Variants in EEF1E1 observed in about 807,000 individuals in gnomAD.
The protein encoded by EEF1E1 is eukaryotic translation elongation factor 1 epsilon 1, also known as eukaryotic translation elongation factor 1 epsilon-1.
EEF1E1 carries 19 observed loss-of-function variants against 19.9 expected under a neutral mutation model. That is an observed-to-expected ratio of 0.95 (90% CI 0.66 to 1.40). The LOEUF is 1.40. EEF1E1 is among the 40% of genes most tolerant of loss of function. The probability of loss-of-function intolerance (pLI) is 0.00; values close to 1 mark genes in which losing one functional copy is unlikely to be tolerated. For missense variants in EEF1E1, 198 were observed against 202.2 expected (o/e 0.98, Z 0.13); for synonymous variants, 81 against 80.0 (o/e 1.01, Z -0.07).
chr6:8,074,492 C>T (rs565737297), downstream of EEF1E1, among the ~76,000 whole-genome samples: 17 of 152,198 alleles, frequency 1.1e-4, no homozygotes, highest in East Asian at 2.5e-3. Flanking sequence ...TTACTAAGCC[C>T]GGCGGAAGAA....
chr6:8,087,646 CCTGT>C (rs1757898141), intron 3 of EEF1E1, among the ~76,000 whole-genome samples: 2 of 152,232 alleles, frequency 1.3e-5, no homozygotes, highest in African/African-American at 4.8e-5. Context: ...AGCTACTGTG[CCTGT>C]CTGAGTTGAT....
intron 3 of EEF1E1, chr6:8,073,567 G>T: frequency 1.9e-6 from 3 of 1,541,514 alleles, no homozygotes; most frequent in Admixed American, 2.0e-5. Context: ...AATAGTGCCT[G>T]ATACACACTA....
intron 2 of EEF1E1, among the ~76,000 whole-genome samples, chr6:8,090,557 CTTTT>C (rs35903578): frequency 3.3e-5 from 5 of 152,106 alleles, no homozygotes; most frequent in African/African-American, 1.2e-4. Flanking sequence ...TAAAGTCTAG[CTTTT>C]TGTTTTTGGA....
At chr6:8,085,963 T>G (rs1443050291) in intron 3 of EEF1E1, among the ~76,000 whole-genome samples, 1 of 152,192 alleles carries the variant, frequency 6.6e-6, no homozygotes, top group African/African-American at 2.4e-5. Flanking sequence ...GTTTTATACT[T>G]CTGTTGTCTC....
Position 8,097,388 on chromosome 6 carries a change from T to C in EEF1E1, c.167A>G (p.Asn56Ser), listed in dbSNP as rs148166016. 292 of 1,614,122 alleles carry C rather than the reference T, an allele frequency of 1.8e-4. 2 individuals carry two copies. In the East Asian group the frequency reaches 6.2e-3, roughly 34 times the overall value. ...TIAAHLVKQA[N>S]KEYLLGSTAE... ...AGTACTCCCCAGCAAATATTCTTTGTTGGCTTGCTTGACTAGATGAGCTGC... is the reference window on the plus strand; with the variant it reads ...AGTACTCCCCAGCAAATATTCTTTGCTGGCTTGCTTGACTAGATGAGCTGC... The change falls in exon 2 of 4, where the codon AAC becomes AGC. Residue 56 changes from asparagine (N) to serine (S), a missense_variant. Transcript: ENST00000379715.
At chr6:8,101,329 ATATATAT>A (rs1468911209) in intron 1 of EEF1E1, among the ~76,000 whole-genome samples, 4 of 138,484 alleles carry the variant, frequency 2.9e-5, no homozygotes, top group Non-Finnish European at 6.1e-5. Context: ...CCACTCGGCC[ATATATAT>A]TATATTTATA....
At chr6:8,074,923 G>A (rs1011391886), downstream of EEF1E1, among the ~76,000 whole-genome samples, 3 of 152,222 alleles carry the variant, frequency 2.0e-5, no homozygotes, top group Admixed American at 6.5e-5. Context: ...AGCGGGAAGA[G>A]GGGTCGCTTG....
Position 8,102,540 on chromosome 6 carries a change from G to C in EEF1E1, c.-19C>G, listed in dbSNP as rs757691528. The C allele has an allele frequency of 6.2e-7, 1 of 1,607,662 alleles. No individual in the cohort carries two copies. Among genetic ancestry groups the C allele is most frequent in the East Asian group, 2.2e-5 (1 of 44,860 alleles). Reference sequence around the variant, plus strand: ...CCGCCATCTTCCGGCCGTAGCTCCTGGCAGACGCGAGACCTGCAGAACAAG... The same window carrying C: ...CCGCCATCTTCCGGCCGTAGCTCCTCGCAGACGCGAGACCTGCAGAACAAG... On this transcript the variant is annotated 5_prime_UTR_variant, in exon 1 of 4. Coordinates refer to ENST00000379715, the MANE Select transcript of EEF1E1 (RefSeq NM_004280.5).
Position 8,079,550 on chromosome 6 carries a change from T to C in EEF1E1, c.*340A>G. 9.8e-7 allele frequency: 1 copy of C among 1,016,738 alleles called. No homozygotes were observed. The highest frequency in any genetic ancestry group is 1.2e-6 in the Non-Finnish European group (1 of 848,004). The allele number at this position is 1,016,738 out of a possible 1,614,324, so 63.0% of individuals were successfully genotyped here. ...GAATTTTAGAATATGAAAGAGAGGT[T>C]AATAAATAGCCAAATATGTCAACCA... On this transcript the variant is annotated 3_prime_UTR_variant, in exon 4 of 4. Transcript: ENST00000379715.
rs1253244102 is a variant in EEF1E1, at chr6:8,097,563, GA to G, written c.88-97del. On this transcript the variant is annotated intron_variant, in intron 1 of 3. Transcript: ENST00000379715. Reference sequence around the variant, plus strand: ...CCACGAAATCCCTCAAGTGTTTTTTGAAATAATCCTGGATTTTACTCTAAGA... The same window carrying G: ...CCACGAAATCCCTCAAGTGTTTTTTGAATAATCCTGGATTTTACTCTAAGA... 7 of 945,084 alleles carry G rather than the reference GA, an allele frequency of 7.4e-6. No individual in the cohort carries two copies. The East Asian group carries it at 1.6e-4, about 21-fold the overall frequency. 58.5% of individuals were successfully genotyped at this position (945,084 alleles called of 1,614,324 possible).
downstream of EEF1E1, among the ~76,000 whole-genome samples, chr6:8,076,832 A>G (rs1211905363): frequency 6.6e-6 from 1 of 152,156 alleles, no homozygotes; most frequent in African/African-American, 2.4e-5. Context: ...AGGTCTCAAC[A>G]GTCGGCTTCA....
Position 8,097,320 on chromosome 6 carries a change from C to T in EEF1E1, c.235G>A (p.Val79Ile). The change falls in exon 2 of 4, where the codon GTC becomes ATC. Residue 79 changes from valine (V) to isoleucine (I), a missense_variant. Physicochemically the swap from Val to Ile is conservative, Grantham distance 29. Coordinates refer to ENST00000379715, the MANE Select transcript of EEF1E1 (RefSeq NM_004280.5). ...AIVQQWLEYR[V>I]TQVDGHSSKN... ...CTGGAGTGCCCATCTACTTGAGTGACCCTGTATTCTAACCACTGCTGAACG... is the reference window on the plus strand; with the variant it reads ...CTGGAGTGCCCATCTACTTGAGTGATCCTGTATTCTAACCACTGCTGAACG... 6.2e-7 allele frequency: 1 copy of T among 1,614,124 alleles called. No individual in the cohort carries two copies. The highest frequency in any genetic ancestry group is 8.5e-7 in the Non-Finnish European group (1 of 1,180,020).
downstream of EEF1E1, among the ~76,000 whole-genome samples, chr6:8,076,935 G>GT (rs1757605655): frequency 7.2e-6 from 1 of 139,352 alleles, no homozygotes; most frequent in Non-Finnish European, 1.5e-5. Flanking sequence ...GATTTTTTTT[G>GT]TTTTTGTTTT....
chr6:8,095,451 C>G, intron 2 of EEF1E1: 2 of 346,294 alleles, frequency 5.8e-6, no homozygotes, highest in South Asian at 4.0e-5. Context: ...TGCAGTGAGC[C>G]AAGATTACGC....
downstream of EEF1E1, among the ~76,000 whole-genome samples, chr6:8,077,891 A>G (rs1019257148): frequency 5.9e-5 from 9 of 152,210 alleles, no homozygotes; most frequent in African/African-American, 1.9e-4. Flanking sequence ...TCCCAGGCTC[A>G]GGTGATCCTC....
Position 8,102,056 on chromosome 6 carries a change from G to A in EEF1E1, c.87+379C>T. 6.0e-6 allele frequency: 7 copies of A among 1,172,038 alleles called. No homozygotes were observed. In the South Asian group the frequency reaches 1.0e-4, roughly 17 times the overall value. 72.6% of individuals were successfully genotyped at this position (1,172,038 alleles called of 1,614,324 possible). On this transcript the variant is annotated intron_variant, in intron 1 of 3. Coordinates refer to ENST00000379715, the MANE Select transcript of EEF1E1 (RefSeq NM_004280.5). ...CCCTGTTAGCTATAACGGAGTCGCT[G>A]CGCAATAACTGAATGAAAGGTGCGA...
chr6:8,085,207 T>C (rs1241069648), intron 3 of EEF1E1, among the ~76,000 whole-genome samples: 2 of 152,164 alleles, frequency 1.3e-5, no homozygotes, highest in African/African-American at 2.4e-5. Context: ...AATGCAGTGG[T>C]GCAATCATGA....
chr6:8,080,262 C>T (rs532413415), intron 3 of EEF1E1, among the ~76,000 whole-genome samples: 4 of 152,226 alleles, frequency 2.6e-5, no homozygotes, highest in Admixed American at 6.5e-5. Flanking sequence ...GTCCTTCCTG[C>T]GAAATACCAA....
intron 2 of EEF1E1, among the ~76,000 whole-genome samples, chr6:8,093,065 G>A (rs576152266): frequency 4.6e-5 from 7 of 151,824 alleles, no homozygotes; most frequent in East Asian, 1.9e-4. Context: ...TGGAGACAGC[G>A]GTTTCACTAT....
Sources: allele counts gnomAD v4.1 joint callset (sites outside exome capture counted in the v4.1 genomes callset), GRCh38; gene constraint gnomAD v4.1.1; transcripts MANE v1.5; gene names NCBI Gene and HGNC (gene_info 2026-07-23, HGNC 2026-07-21).